The following PRDM2 variants were observed in gnomAD, a reference collection of about 807,000 sequenced individuals.
The protein encoded by PRDM2 is PR domain zinc finger protein 2.
PRDM2 carries 30 observed loss-of-function variants against 130.0 expected under a neutral mutation model. The observed-to-expected ratio is 0.23, with a 90% CI of 0.17 to 0.31. PRDM2 has a LOEUF of 0.31. PRDM2 is among the 10% of genes least tolerant of loss of function. The pLI is 1.00. For missense variants in PRDM2, 2,011 were observed against 2,108.4 expected, an observed-to-expected ratio of 0.95 and a Z score of 0.90; for synonymous variants, 871 against 782.4, an observed-to-expected ratio of 1.11 and a Z score of -1.89.
intron 6 of PRDM2, among the ~76,000 whole-genome samples, chr1:13,768,074 G>GTTTT (rs774757778): frequency 3.3e-4 from 39 of 117,736 alleles, no homozygotes; most frequent in East Asian, 7.9e-4. Context: ...TTGTCCTTGA[G>GTTTT]TTTTTTTTTT....
At chr1:13,777,217 A>G (rs1644494493) in intron 7 of PRDM2, among the ~76,000 whole-genome samples, 2 of 152,038 alleles carry the variant, frequency 1.3e-5, no homozygotes, top group African/African-American at 2.4e-5. Flanking sequence ...TTGACAAAAT[A>G]TATCCAGAGC....
chr1:13,726,024 C>G (rs1038356248), intron 2 of PRDM2, among the ~76,000 whole-genome samples: 3 of 152,238 alleles, frequency 2.0e-5, no homozygotes, highest in African/African-American at 7.2e-5. Flanking sequence ...TTACCTAGCT[C>G]TGCCACCTGC....
At chr1:13,718,446 T>G (rs1010544820) in intron 2 of PRDM2, among the ~76,000 whole-genome samples, 1 of 152,234 alleles carries the variant, frequency 6.6e-6, no homozygotes, top group Non-Finnish European at 1.5e-5. Flanking sequence ...AGCCTGCCAG[T>G]ACTTTCAGCA....
intron 8 of PRDM2, among the ~76,000 whole-genome samples, chr1:13,800,100 G>A (rs1644983838): frequency 6.6e-6 from 1 of 152,212 alleles, no homozygotes; most frequent in South Asian, 2.1e-4. Flanking sequence ...TAAATGCGGG[G>A]CCTACGCCTG....
intron 6 of PRDM2, among the ~76,000 whole-genome samples, chr1:13,761,687 C>T (rs1048564462): frequency 2.0e-5 from 3 of 152,080 alleles, no homozygotes. Flanking sequence ...CAGAAGTCTC[C>T]TCTCCGAAAG....
chr1:13,806,793 A>G lies in PRDM2; in HGVS notation c.5037-9634A>G, dbSNP rs1233256858. Among the ~76,000 whole-genome samples the G allele has an allele frequency of 2.0e-5, 3 of 152,162 alleles. No individual in the cohort carries two copies. The highest frequency in any genetic ancestry group is 4.4e-5 in the Non-Finnish European group (3 of 68,026). The stretch of plus-strand genomic sequence containing the variant: ...TCATGATATTCCTCTGCCCAGAAGG[A>G]CAACTGACTGACACCTCACTTGAAG... On this transcript the variant is annotated intron_variant, in intron 8 of 9. Coordinates refer to ENST00000311066, the MANE Select transcript of PRDM2 (RefSeq NM_001393986.1). This position sits in a 1 kb window ranked among gnomAD's most constrained non-coding sequence, Gnocchi z 4.1.
At chr1:13,710,303 C>G (rs1642329571) in intron 1 of PRDM2, among the ~76,000 whole-genome samples, 2 of 152,186 alleles carry the variant, frequency 1.3e-5, no homozygotes, top group African/African-American at 4.8e-5. Flanking sequence ...CTCTGGACTT[C>G]CGTGTCAGAA....
intron 9 of PRDM2, among the ~76,000 whole-genome samples, chr1:13,820,364 C>T (rs1645329317): frequency 6.6e-6 from 1 of 152,220 alleles, no homozygotes; most frequent in South Asian, 2.1e-4. Flanking sequence ...TCACCAGCCT[C>T]TGTGGCACCC....
intron 6 of PRDM2, among the ~76,000 whole-genome samples, chr1:13,752,965 T>C (rs903080437): frequency 3.3e-5 from 5 of 152,226 alleles, no homozygotes; most frequent in Admixed American, 3.3e-4. Context: ...GAACTGTAAG[T>C]ACCACTCCTT....
intron 4 of PRDM2, among the ~76,000 whole-genome samples, chr1:13,741,673 G>C (rs1320926948): frequency 6.9e-6 from 1 of 145,344 alleles, no homozygotes; most frequent in Admixed American, 6.9e-5. Flanking sequence ...GTACGTATTT[G>C]TAAAGCATTT....
At chr1:13,787,802 G>T in intron 8 of PRDM2, 1 of 980,968 alleles carries the variant, frequency 1.0e-6, no homozygotes, top group South Asian at 4.7e-5. Flanking sequence ...TGCTATAAAA[G>T]ACTATTCTAA....
At chr1:13,762,352 A>G (rs543006106) in intron 6 of PRDM2, among the ~76,000 whole-genome samples, 4 of 152,320 alleles carry the variant, frequency 2.6e-5, no homozygotes, top group African/African-American at 4.8e-5. Context: ...AGGACCTACT[A>G]TTGTGAGTGC....
chr1:13,774,991 G>A (rs1055565110), intron 7 of PRDM2, among the ~76,000 whole-genome samples: 1 of 151,156 alleles, frequency 6.6e-6, no homozygotes. Context: ...AAAGAAAAAT[G>A]ACACTTGCTC....
rs770387010 is a variant in PRDM2 at position 13,779,550 on chromosome 1, G to C, written c.1755G>C (p.Val585=). The C allele has an allele frequency of 6.2e-7, 1 of 1,614,030 alleles. No homozygotes were observed. The highest frequency in any genetic ancestry group is 8.5e-7 in the Non-Finnish European group (1 of 1,179,890). Residue 585 remains valine, a synonymous_variant, in exon 8 of 10, where the codon GTG becomes GTC. Transcript: ENST00000311066. This position sits in a 1 kb window ranked among gnomAD's most constrained non-coding sequence, Gnocchi z 4.9. ...QTNNNTSNCD[V]IEMESASADL... is the part of the protein sequence containing the mutation. ...ATAACAACACTAGTAACTGTGATGTGATTGAGATGGAGTCTGCTTCGGCAG... is the reference window on the plus strand; with the variant it reads ...ATAACAACACTAGTAACTGTGATGTCATTGAGATGGAGTCTGCTTCGGCAG...
chr1:13,769,088 C>G lies in PRDM2; in HGVS notation c.512-3990C>G, dbSNP rs1327463117. On this transcript the variant is annotated intron_variant, in intron 6 of 9. Coordinates refer to ENST00000311066, the MANE Select transcript of PRDM2 (RefSeq NM_001393986.1). ...CTTGTCATCATTTCCATTTCACTTC[C>G]CTTGTGTTTCATTCCTCTTTCTTGT... is the stretch of plus-strand genomic sequence containing the variant. 4.1e-6 allele frequency: 4 copies of G among 965,954 alleles called. No homozygotes were observed. The East Asian group carries it at 3.4e-4, about 83-fold the overall frequency. The allele number at this position is 965,954 out of a possible 1,614,324, so 59.8% of individuals were successfully genotyped here.
intron 2 of PRDM2, among the ~76,000 whole-genome samples, chr1:13,720,929 C>T (rs1307110113): frequency 1.3e-5 from 2 of 152,140 alleles, no homozygotes; most frequent in Non-Finnish European, 2.9e-5. Context: ...CTGTATAGTA[C>T]AAGTTTCACA....
At chr1:13,713,142 G>A (rs112736857) in intron 1 of PRDM2, among the ~76,000 whole-genome samples, 1 of 152,172 alleles carries the variant, frequency 6.6e-6, no homozygotes, top group Non-Finnish European at 1.5e-5. Context: ...CATAGAGATT[G>A]TAGTAACTAT....
At chr1:13,737,794 T>C (rs969253068) in intron 4 of PRDM2, among the ~76,000 whole-genome samples, 5 of 152,196 alleles carry the variant, frequency 3.3e-5, no homozygotes, top group African/African-American at 1.2e-4. Flanking sequence ...AAACTCTCTT[T>C]GGGAGTTTAT....
intron 8 of PRDM2, among the ~76,000 whole-genome samples, chr1:13,798,403 T>C (rs907610903): frequency 3.0e-4 from 45 of 152,298 alleles, no homozygotes; most frequent in African/African-American, 1.0e-3. Flanking sequence ...CTAATTAAAA[T>C]TAGTGTTACT....
Sources: gnomAD v4.1 joint callset for allele counts (sites outside exome capture counted in the v4.1 genomes callset) on GRCh38, gnomAD v4.1.1 for gene constraint, Gnocchi (gnomAD v3.1) non-coding constraint, MANE v1.5 for transcripts, NCBI Gene and HGNC (gene_info 2026-07-23, HGNC 2026-07-21) for gene names.